Variants in MAML2 observed in about 807,000 individuals in gnomAD.
MAML2 encodes the protein mastermind like transcriptional coactivator 2, also known as mastermind-like protein 2.
MAML2 carries 22 observed loss-of-function variants against 96.1 expected under a neutral mutation model. The ratio of observed to expected loss-of-function variants is 0.23; its 90% CI spans 0.16 to 0.33. MAML2 has a LOEUF of 0.33. Among genes scored for constraint, MAML2 ranks in the 10% least tolerant of loss-of-function variants. The pLI, the probability that MAML2 is intolerant of heterozygous loss-of-function variation, is 1.00. For synonymous variants in MAML2, 561 were observed against 521.3 expected (o/e 1.08, Z -1.04); for missense variants, 1,367 against 1,392.4 (o/e 0.98, Z 0.29).
At chr11:96,111,048 G>T (rs140599732) in intron 1 of MAML2, among the ~76,000 whole-genome samples, 1,795 of 152,224 alleles carry the variant, frequency 0.012, 28 homozygotes, top group Middle Eastern at 0.02. Context: ...ATAGTCAGAG[G>T]TCAGAAAATA....
At chr11:96,289,976 T>C (rs920846979) in intron 1 of MAML2, among the ~76,000 whole-genome samples, 4 of 152,188 alleles carry the variant, frequency 2.6e-5, no homozygotes, top group African/African-American at 9.6e-5. Flanking sequence ...GAAAGGGCCT[T>C]AGAGATCCTC....
chr11:96,023,248 G>A (rs607395), intron 2 of MAML2, among the ~76,000 whole-genome samples: 43,645 of 152,034 alleles, frequency 0.29, 6,392 homozygotes, highest in South Asian at 0.41. Flanking sequence ...TTGCAGTCGC[G>A]ATGGGCAGAG....
chr11:96,057,444 T>C (rs1859087749), intron 2 of MAML2, among the ~76,000 whole-genome samples: 1 of 152,172 alleles, frequency 6.6e-6, no homozygotes, highest in Admixed American at 6.5e-5. Context: ...TATCCATTTC[T>C]CCATCCAAAA....
intron 1 of MAML2, among the ~76,000 whole-genome samples, chr11:96,176,801 A>G (rs1861394383): frequency 6.6e-6 from 1 of 152,106 alleles, no homozygotes; most frequent in African/African-American, 2.4e-5. Flanking sequence ...TAATCTTTCC[A>G]GGGTTTAAAG....
intron 1 of MAML2, among the ~76,000 whole-genome samples, chr11:96,222,960 A>G (rs1862160968): frequency 6.6e-6 from 1 of 152,132 alleles, no homozygotes; most frequent in African/African-American, 2.4e-5. Flanking sequence ...TTTCCCAGAA[A>G]ACTGAAGATT....
At chr11:96,183,382 T>TCCTC (rs1861519065) in intron 1 of MAML2, among the ~76,000 whole-genome samples, 1 of 139,174 alleles carries the variant, frequency 7.2e-6, no homozygotes, top group African/African-American at 2.8e-5. Flanking sequence ...CTCCTTCCCT[T>TCCTC]CCTCCGTTCC....
At chr11:96,018,633 G>A (rs912854532) in intron 2 of MAML2, among the ~76,000 whole-genome samples, 8 of 152,220 alleles carry the variant, frequency 5.3e-5, no homozygotes, top group Admixed American at 5.2e-4. Context: ...GTCAAGCTCC[G>A]TCGCCCAGGC....
rs553737511 is a variant in MAML2 at position 96,274,974 on chromosome 11, CTACT to C, written c.513+66405_513+66408del. Among the ~76,000 whole-genome samples, 4 of 152,142 alleles carry C rather than the reference CTACT, an allele frequency of 2.6e-5. No homozygotes were observed. In the East Asian group the frequency reaches 7.7e-4, roughly 29 times the overall value. ...GGCTCATTTATACATATTTTAAAGT[CTACT>C]TATTCACTTAATTTATTGTTGCACT... On this transcript the variant is annotated intron_variant, in intron 1 of 4. Transcript: ENST00000524717.
At chr11:96,195,683 T>C (rs1276294942) in intron 1 of MAML2, among the ~76,000 whole-genome samples, 1 of 152,322 alleles carries the variant, frequency 6.6e-6, no homozygotes, top group Middle Eastern at 3.4e-3. Flanking sequence ...CTAGGACTTA[T>C]ACCTCCATAG....
intron 2 of MAML2, 143 bp from the exon 3 acceptor site, chr11:95,991,866 C>A: frequency 1.5e-6 from 1 of 669,524 alleles, no homozygotes. Flanking sequence ...ATCAGAGAAT[C>A]GCTTTTTAAA....
chr11:96,133,388 C>A (rs1014038417), intron 1 of MAML2, among the ~76,000 whole-genome samples: 1 of 151,854 alleles, frequency 6.6e-6, no homozygotes, highest in Non-Finnish European at 1.5e-5. Flanking sequence ...ATTTTCTTAT[C>A]GATTTTAAAA....
chr11:96,090,590 AT>A (rs1859687362), intron 2 of MAML2, among the ~76,000 whole-genome samples: 1 of 152,180 alleles, frequency 6.6e-6, no homozygotes, highest in South Asian at 2.1e-4. Context: ...TGCTCCCAAA[AT>A]TCCCTGGGTT....
intron 1 of MAML2, among the ~76,000 whole-genome samples, chr11:96,233,708 C>A (rs1253811502): frequency 2.6e-5 from 4 of 152,214 alleles, no homozygotes; most frequent in Non-Finnish European, 4.4e-5. Context: ...CATGCCTGAC[C>A]CCCATTCTTT....
intron 1 of MAML2, among the ~76,000 whole-genome samples, chr11:96,331,690 C>T (rs1223857209): frequency 1.3e-5 from 2 of 151,236 alleles, no homozygotes; most frequent in Admixed American, 6.6e-5. Flanking sequence ...TGGTGGTGGG[C>T]GCCTGTAATC....
intron 2 of MAML2, among the ~76,000 whole-genome samples, chr11:96,073,202 T>C (rs968290820): frequency 3.9e-5 from 6 of 152,216 alleles, no homozygotes; most frequent in Non-Finnish European, 7.3e-5. Flanking sequence ...TTGTGCAAAA[T>C]CACCAATTTA....
At chr11:96,077,345 C>G (rs1373131035) in intron 2 of MAML2, among the ~76,000 whole-genome samples, 1 of 151,348 alleles carries the variant, frequency 6.6e-6, no homozygotes, top group Non-Finnish European at 1.5e-5. Context: ...CCCAGCCTCC[C>G]AAGCAGTTGG....
chr11:96,221,500 C>G (rs1293150654), intron 1 of MAML2, among the ~76,000 whole-genome samples: 1 of 152,084 alleles, frequency 6.6e-6, no homozygotes, highest in African/African-American at 2.4e-5. Flanking sequence ...AGGTTAGAGA[C>G]CCCACCTTTA....
intron 1 of MAML2, among the ~76,000 whole-genome samples, chr11:96,228,287 C>G (rs777102519): frequency 6.6e-6 from 1 of 152,130 alleles, no homozygotes; most frequent in Non-Finnish European, 1.5e-5. Flanking sequence ...CAGCCATCAC[C>G]AGGCTGGATT....
At chr11:96,171,401 T>G (rs1218801971) in intron 1 of MAML2, among the ~76,000 whole-genome samples, 1 of 152,152 alleles carries the variant, frequency 6.6e-6, no homozygotes, top group Non-Finnish European at 1.5e-5. Context: ...GTGTTCAAGA[T>G]ATTATATTTA....
Sources: allele counts gnomAD v4.1 joint callset (sites outside exome capture counted in the v4.1 genomes callset), GRCh38; gene constraint gnomAD v4.1.1; transcripts MANE v1.5; gene names NCBI Gene and HGNC (gene_info 2026-07-23, HGNC 2026-07-21).